ITIH3: variants seen among roughly 807,000 people sequenced by gnomAD.
ITIH3 encodes inter-alpha-trypsin inhibitor heavy chain 3.
Under a neutral mutation model 96.5 loss-of-function variants are expected in ITIH3, and 81 were observed. That is an observed-to-expected ratio of 0.84 (90% CI 0.70 to 1.01). ITIH3 has a LOEUF of 1.01. Ranked by LOEUF, ITIH3 falls within the 50% of genes least tolerant of loss-of-function variation. The probability of loss-of-function intolerance (pLI) is 0.00; values close to 1 mark genes in which losing one functional copy is unlikely to be tolerated. For missense variants in ITIH3, 1,057 were observed against 1,139.3 expected, an observed-to-expected ratio of 0.93 and a Z score of 1.04; for synonymous variants, 422 against 445.2, an observed-to-expected ratio of 0.95 and a Z score of 0.66.
rs1465745760 is a variant in ITIH3 at position 52,803,938 on chromosome 3, T to C, written c.1793T>C (p.Leu598Pro). ...CTCAAGTATCACTTTGTGACTCCAC[T>C]GACCTCAATGGTGGTGACCAAGCCT... is the stretch of plus-strand genomic sequence containing the variant. ...LSLKYHFVTP[L>P]TSMVVTKPED... Residue 598 changes from leucine to proline, a missense_variant, in exon 14 of 22, where the codon CTG becomes CCG. By Grantham distance (98) the Leu-to-Pro change is moderately conservative (BLOSUM62 -3). Coordinates refer to ENST00000449956, the MANE Select transcript of ITIH3 (RefSeq NM_002217.4). 1 of 1,613,874 alleles carries C rather than the reference T, an allele frequency of 6.2e-7. No homozygotes were observed. The highest frequency in any genetic ancestry group is 1.1e-5 in the South Asian group (1 of 91,038).
chr3:52,805,531 C>T, intron 15 of ITIH3: 1 of 1,281,216 alleles, frequency 7.8e-7, no homozygotes, highest in African/African-American at 1.5e-5. Context: ...GTGAGCATTA[C>T]TCAAGAGAGA....
chr3:52,808,109 G>C lies in ITIH3; in HGVS notation c.2432-1G>C, dbSNP rs1234671900. The C allele has an allele frequency of 1.9e-6, 3 of 1,613,916 alleles. No homozygotes were observed. Among genetic ancestry groups the C allele is most frequent in the Non-Finnish European group, 2.5e-6 (3 of 1,179,794 alleles). Reference sequence around the variant, plus strand: ...GACAGCATGAATATTTTTCTTCCCAGGGCAATTCTTCCAACCCTTTGACTT... The same window carrying C: ...GACAGCATGAATATTTTTCTTCCCACGGCAATTCTTCCAACCCTTTGACTT... On this transcript the variant is annotated splice_acceptor_variant, in intron 20 of 21. Coordinates refer to ENST00000449956, the MANE Select transcript of ITIH3 (RefSeq NM_002217.4). LOFTEE classifies it high-confidence loss of function.
intron 14 of ITIH3, chr3:52,804,283 T>A: frequency 2.0e-6 from 1 of 506,694 alleles, no homozygotes; most frequent in South Asian, 2.6e-5. Context: ...GGAAAAGGAC[T>A]GAGGCTGCAG....
At chr3:52,807,532 TC>T (rs1700100253) in intron 19 of ITIH3, among the ~76,000 whole-genome samples, 1 of 152,164 alleles carries the variant, frequency 6.6e-6, no homozygotes, top group South Asian at 2.1e-4. Flanking sequence ...AGGCCAGCCC[TC>T]TCTTTCCCAC....
rs2710329 is a variant in ITIH3 at position 52,808,581 on chromosome 3, C to T, written c.2573C>T (p.Ala858Val). Reference protein sequence around the residue: ...RGSQKDYRKDASIGTKVVCWF... With the variant: ...RGSQKDYRKDVSIGTKVVCWF... ...TCCCAGAAAGACTACAGAAAGGATG[C>T]CAGCATCGGCACGAAGGTTGTCTGC... The change falls in exon 22 of 22, where the codon GCC (alanine) becomes GTC (valine). Residue 858 changes from alanine to valine, a missense_variant. Ala to Val is a moderately conservative substitution (Grantham distance 64). Coordinates refer to ENST00000449956, the MANE Select transcript of ITIH3 (RefSeq NM_002217.4). The T allele has an allele frequency of 9.0e-3, 14,554 of 1,613,900 alleles. 1,091 individuals carry two copies. In the African/African-American group the frequency reaches 0.17, roughly 19 times the overall value.
At chr3:52,797,302 C>A (rs762182778) in intron 5 of ITIH3, 35 bp downstream of exon 5, 2 of 1,570,830 alleles carry the variant, frequency 1.3e-6, no homozygotes, top group Admixed American at 1.8e-5. Flanking sequence ...GGGGGGACGG[C>A]AGCGGGGTGC....
In ITIH3 at chr3:52,805,624, C is replaced by T. The variant is rs1053860409; in HGVS notation, c.1874-184C>T. On this transcript the variant is annotated intron_variant, in intron 15 of 21. Coordinates refer to ENST00000449956, the MANE Select transcript of ITIH3 (RefSeq NM_002217.4). ...AAATCACATCCCATTGCCACCAGCC[C>T]CATAAAGGGCTTCCCTGGACGTGCC... 19 of 1,412,490 alleles carry T rather than the reference C, an allele frequency of 1.3e-5. No homozygotes were observed. The East Asian group carries it at 2.4e-4, about 18-fold the overall frequency. The allele number at this position is 1,412,490 out of a possible 1,614,324, so 87.5% of individuals were successfully genotyped here. A position where few individuals can be genotyped will look rare whatever the true frequency, so the allele number is the denominator to read the frequency against.
chr3:52,799,323 T>C (rs918936283), intron 7 of ITIH3, 49 bp from the exon 8 acceptor site: 4 of 1,371,302 alleles, frequency 2.9e-6, no homozygotes, highest in Non-Finnish European at 4.0e-6. Flanking sequence ...ATAGTCAATG[T>C]GGTGTTGCTA....
intron 13 of ITIH3, 145 bp from the exon 14 acceptor site, chr3:52,803,710 T>C (rs1000226377): frequency 1.2e-6 from 1 of 834,990 alleles, no homozygotes; most frequent in African/African-American, 1.7e-5. Context: ...CAGTCTTCTC[T>C]GAGCCCAACT....
In ITIH3 at chr3:52,804,755, C is replaced by T. The variant is rs370269729; in HGVS notation, c.1873+21C>T. Reference sequence around the variant, plus strand: ...AGAAGGTAAGCCTTTAGCCAGCCACCGGGTTGGGCATTATGGAAGGGAGAC... The same window carrying T: ...AGAAGGTAAGCCTTTAGCCAGCCACTGGGTTGGGCATTATGGAAGGGAGAC... On this transcript the variant is annotated intron_variant, in intron 15 of 21. Coordinates refer to ENST00000449956, the MANE Select transcript of ITIH3 (RefSeq NM_002217.4). The T allele has an allele frequency of 5.4e-5, 85 of 1,586,148 alleles. No homozygotes were observed. The African/African-American group carries it at 5.4e-4, about 10-fold the overall frequency.
intron 16 of ITIH3, 94 bp downstream of exon 16, chr3:52,805,934 G>C: frequency 6.4e-7 from 1 of 1,559,312 alleles, no homozygotes; most frequent in Non-Finnish European, 8.8e-7. Flanking sequence ...CAGCTCTCCG[G>C]GATGGGCAGA....
rs950230114 is a variant in ITIH3, at chr3:52,801,478, G to T, written c.1383+332G>T. On this transcript the variant is annotated intron_variant, in intron 11 of 21. Transcript: ENST00000449956. ...GGCGGCTGCCATACCAAAGTACCAA[G>T]TGGCTTCAATGAGAGAAACGTATTG... 2.0e-5 allele frequency among the ~76,000 whole-genome samples: 3 copies of T among 152,218 alleles called. No individual in the cohort carries two copies. The East Asian group carries it at 5.8e-4, about 29-fold the overall frequency.
In ITIH3 at chr3:52,802,519, G is replaced by A. The variant is rs1188977073; in HGVS notation, c.1569G>A (p.Gly523=). The change falls in exon 12 of 22, where the codon GGG becomes GGA. Residue 523 remains glycine (G), a splice_region_variant and synonymous_variant. Transcript: ENST00000449956. ...NSFKADVKGH[G]ATNDLTFTEE... ...TTAAGGCAGATGTGAAGGGCCATGGGGTGAGTGGGGACAGGGCCTGGAAGT... is the reference window on the plus strand; with the variant it reads ...TTAAGGCAGATGTGAAGGGCCATGGAGTGAGTGGGGACAGGGCCTGGAAGT... The A allele has an allele frequency of 2.5e-6, 4 of 1,613,684 alleles. No individual in the cohort carries two copies. The highest frequency in any genetic ancestry group is 2.5e-6 in the Non-Finnish European group (3 of 1,179,858).
In ITIH3 at chr3:52,794,898, T is replaced by C; in HGVS notation, c.93+2T>C. The C allele has an allele frequency of 6.2e-7, 1 of 1,611,614 alleles. No homozygotes were observed. Among genetic ancestry groups the C allele is most frequent in the Non-Finnish European group, 8.5e-7 (1 of 1,177,936 alleles). ...AGAAGCCCCTTTCGGCTGCTTGGGGTGAGTCTGCCCCCTCTTTGCCATCTG... is the reference window on the plus strand; with the variant it reads ...AGAAGCCCCTTTCGGCTGCTTGGGGCGAGTCTGCCCCCTCTTTGCCATCTG... On this transcript the variant is annotated splice_donor_variant, in intron 1 of 21. Transcript: ENST00000449956. LOFTEE classifies it high-confidence loss of function.
intron 2 of ITIH3, 173 bp downstream of exon 2, chr3:52,795,796 C>G: frequency 1.6e-6 from 1 of 614,866 alleles, no homozygotes; most frequent in Non-Finnish European, 2.8e-6. Context: ...AAGAGCACCA[C>G]AGAGTGACGA....
chr3:52,797,074 T>G (rs1381845494), intron 4 of ITIH3, 31 bp from the exon 5 acceptor site: 1 of 1,599,192 alleles, frequency 6.3e-7, no homozygotes, highest in Admixed American at 1.7e-5. Flanking sequence ...CTGCAGTCTT[T>G]GAGGGAGTCA....
chr3:52,804,788 A>T (rs1699977117), intron 15 of ITIH3, 54 bp downstream of exon 15: 1 of 1,566,084 alleles, frequency 6.4e-7, no homozygotes, highest in Non-Finnish European at 8.7e-7. Context: ...GACAAGAGAG[A>T]ACTGAGGAGG....
In ITIH3 at chr3:52,808,549, C is replaced by G; in HGVS notation, c.2544-3C>G. 9.3e-6 allele frequency: 15 copies of G among 1,613,230 alleles called. No homozygotes were observed. The highest frequency in any genetic ancestry group is 1.3e-5 in the Non-Finnish European group (15 of 1,179,254). ...TATTGCAGCATCTCTCTTCTTTCCC[C>G]AGGGGCTCCCAGAAAGACTACAGAA... On this transcript the variant is annotated splice_polypyrimidine_tract_variant and splice_region_variant and intron_variant, in intron 21 of 21. Transcript: ENST00000449956.
chr3:52,800,674 C>A lies in ITIH3; in HGVS notation c.1201+11C>A. 6.3e-7 allele frequency: 1 copy of A among 1,597,768 alleles called. No individual in the cohort carries two copies. The highest frequency in any genetic ancestry group is 1.3e-5 in the African/African-American group (1 of 74,788). On this transcript the variant is annotated intron_variant, in intron 10 of 21. Coordinates refer to ENST00000449956, the MANE Select transcript of ITIH3 (RefSeq NM_002217.4). ...GGGATGCCAATGTTGGTGAGGAGCACGGGCATGGTTTTGAGCTAGGGCTGG... is the reference window on the plus strand; with the variant it reads ...GGGATGCCAATGTTGGTGAGGAGCAAGGGCATGGTTTTGAGCTAGGGCTGG...
Sources: allele counts gnomAD v4.1 joint callset (sites outside exome capture counted in the v4.1 genomes callset), GRCh38; gene constraint gnomAD v4.1.1; transcripts MANE v1.5; gene names NCBI Gene and HGNC (gene_info 2026-07-23, HGNC 2026-07-21).